EPB41L4B: variants seen among roughly 807,000 people sequenced by gnomAD.
EPB41L4B encodes the protein band 4.1-like protein 4B.
A neutral mutation model predicts 112.5 loss-of-function variants in EPB41L4B; 30 were observed. The ratio of observed to expected loss-of-function variants is 0.27; its 90% confidence interval spans 0.20 to 0.36. The LOEUF is 0.36. Ranked by LOEUF, EPB41L4B falls within the 10% of genes least tolerant of loss-of-function variation. EPB41L4B has a pLI of 1.00. For synonymous variants in EPB41L4B, 408 were observed against 439.7 expected, an observed-to-expected ratio of 0.93 and a Z score of 0.90; for missense variants, 1,024 against 1,133.3, an observed-to-expected ratio of 0.90 and a Z score of 1.38.
At chr9:109,223,171 G>T (rs962372694) in intron 15 of EPB41L4B, among the ~76,000 whole-genome samples, 2 of 152,152 alleles carry the variant, frequency 1.3e-5, no homozygotes, top group African/African-American at 2.4e-5. Flanking sequence ...CGGGCGCAAT[G>T]GTTCACACCT....
rs1835968587 is a variant in EPB41L4B, at chr9:109,279,859, T to C, written c.369A>G (p.Thr123=). 8 of 1,614,162 alleles carry C rather than the reference T, an allele frequency of 5.0e-6. 1 individual carries two copies. The South Asian group carries it at 8.8e-5, about 18-fold the overall frequency. The change falls in exon 2 of 26, where the codon ACA becomes ACG. Residue 123 remains threonine, a synonymous_variant. Transcript: ENST00000374566. ...QIVYHLDLVE[T]DYFGLQFLDS... ...CGAGGAACTGGAGGCCAAAGTAATC[T>C]GTTTCCACAAGGTCCAAGTGGTACA...
At chr9:109,265,108 C>A in intron 4 of EPB41L4B, 84 bp from the exon 5 acceptor site, 1 of 1,051,438 alleles carries the variant, frequency 9.5e-7, no homozygotes, top group South Asian at 1.5e-5. Context: ...AAACCCCACC[C>A]CACACACAGC....
intron 13 of EPB41L4B, among the ~76,000 whole-genome samples, chr9:109,249,419 A>T (rs1834695597): frequency 7.1e-6 from 1 of 141,204 alleles, no homozygotes; most frequent in Admixed American, 7.4e-5. Flanking sequence ...ACAGGCTGTG[A>T]AGAGCAATTG....
intron 24 of EPB41L4B, among the ~76,000 whole-genome samples, chr9:109,178,297 T>C (rs1387112388): frequency 1.3e-5 from 2 of 152,198 alleles, no homozygotes; most frequent in Non-Finnish European, 2.9e-5. Context: ...ACTAGATTTT[T>C]CATGCTAGTT....
rs1837848245 is a variant in EPB41L4B, at chr9:109,320,823, GCTGCTCCCGCGC to G, written c.-389_-378del. 6.9e-6 allele frequency: 1 copy of G among 145,382 alleles called. No individual in the cohort carries two copies. Among genetic ancestry groups the G allele is most frequent in the Non-Finnish European group, 1.5e-5 (1 of 65,464 alleles). 9.0% of individuals were successfully genotyped at this position (145,382 alleles called of 1,614,324 possible). A position where few individuals can be genotyped will look rare whatever the true frequency, so the allele number is the denominator to read the frequency against. ...CGGGGGCGCGGGAGGCGGGCTGCGGGCTGCTCCCGCGCCGCGCGCCGGCCGAGGGCCAGCCGG... is the reference window on the plus strand; with the variant it reads ...CGGGGGCGCGGGAGGCGGGCTGCGGGCGCGCGCCGGCCGAGGGCCAGCCGG... On this transcript the variant is annotated 5_prime_UTR_variant, in exon 1 of 26. Transcript: ENST00000374566.
intron 2 of EPB41L4B, among the ~76,000 whole-genome samples, chr9:109,278,746 A>G (rs957204546): frequency 1.3e-5 from 2 of 152,128 alleles, no homozygotes. Flanking sequence ...ATCTATGTGC[A>G]CTGCTTTATC....
chr9:109,218,123 A>ATAAT (rs1424661358), intron 15 of EPB41L4B, among the ~76,000 whole-genome samples: 368 of 79,714 alleles, frequency 4.6e-3, no homozygotes, highest in Middle Eastern at 8.6e-3. Flanking sequence ...AATACTAATA[A>ATAAT]TTCTTTTTTT....
chr9:109,232,540 C>T (rs1230556750), intron 15 of EPB41L4B, among the ~76,000 whole-genome samples: 1 of 152,184 alleles, frequency 6.6e-6, no homozygotes, highest in African/African-American at 2.4e-5. Context: ...TCATCCTGTG[C>T]ACTCTGACAG....
At chr9:109,257,086 T>C (rs1835010124) in intron 7 of EPB41L4B, among the ~76,000 whole-genome samples, 1 of 149,836 alleles carries the variant, frequency 6.7e-6, no homozygotes. Flanking sequence ...GGGAGGAGAG[T>C]GGATGTGTAA....
At chr9:109,194,067 T>A (rs1832557599) in intron 21 of EPB41L4B, among the ~76,000 whole-genome samples, 153 bp downstream of exon 21, 1 of 152,268 alleles carries the variant, frequency 6.6e-6, no homozygotes. Flanking sequence ...GGTCAAGTTA[T>A]ATAAAAACAT....
At chr9:109,222,176 G>C (rs767120745) in intron 15 of EPB41L4B, among the ~76,000 whole-genome samples, 1 of 152,182 alleles carries the variant, frequency 6.6e-6, no homozygotes, top group Non-Finnish European at 1.5e-5. Flanking sequence ...ATGCATGTGT[G>C]ACCTTCATCT....
At chr9:109,176,743 A>G (rs746271641) in intron 24 of EPB41L4B, 47 bp from the exon 25 acceptor site, 3 of 1,607,088 alleles carry the variant, frequency 1.9e-6, no homozygotes, top group Non-Finnish European at 2.6e-6. Flanking sequence ...TTTGGGTTCC[A>G]TTTTCACACT....
chr9:109,198,127 G>A (rs1393457083), intron 20 of EPB41L4B, among the ~76,000 whole-genome samples: 1 of 152,116 alleles, frequency 6.6e-6, no homozygotes, highest in Non-Finnish European at 1.5e-5. Context: ...AAGGATATGA[G>A]GTGGGATATA....
chr9:109,316,133 C>A (rs1837626067), intron 1 of EPB41L4B, among the ~76,000 whole-genome samples: 1 of 152,186 alleles, frequency 6.6e-6, no homozygotes, highest in Non-Finnish European at 1.5e-5. Context: ...GCTGCAATTG[C>A]CCAAAGCTGC....
At chr9:109,191,371 G>A (rs1302679331) in intron 22 of EPB41L4B, among the ~76,000 whole-genome samples, 6 of 152,128 alleles carry the variant, frequency 3.9e-5, no homozygotes, top group Non-Finnish European at 5.9e-5. Flanking sequence ...GCAGTGCAAG[G>A]ACCTCAGTTG....
chr9:109,278,853 G>T (rs1835932809), intron 2 of EPB41L4B, among the ~76,000 whole-genome samples: 1 of 152,182 alleles, frequency 6.6e-6, no homozygotes, highest in Admixed American at 6.5e-5. Flanking sequence ...GCTAGATTTT[G>T]TTGGGAAGGG....
In EPB41L4B at chr9:109,243,697, C is replaced by A. The variant is rs754411086; in HGVS notation, c.1345-15G>T. 1 of 1,613,268 alleles carries A rather than the reference C, an allele frequency of 6.2e-7. No individual in the cohort carries two copies. Among genetic ancestry groups the A allele is most frequent in the South Asian group, 1.1e-5 (1 of 91,026 alleles). On this transcript the variant is annotated splice_polypyrimidine_tract_variant and intron_variant, in intron 14 of 25. Transcript: ENST00000374566. ...TGATATTGAGGCTAGAAATAAAACA[C>A]CAAACTTGATTATTTGATGACCTTT...
chr9:109,201,802 G>T (rs1428428372), intron 19 of EPB41L4B, among the ~76,000 whole-genome samples: 1 of 152,166 alleles, frequency 6.6e-6, no homozygotes, highest in Non-Finnish European at 1.5e-5. Context: ...GGAAAGTCGA[G>T]GCCGGGTCAT....
In EPB41L4B at chr9:109,247,800, A is replaced by G. The variant is rs1834615751; in HGVS notation, c.1311-11T>C. 6.7e-7 allele frequency: 1 copy of G among 1,491,962 alleles called. No individual in the cohort carries two copies. The highest frequency in any genetic ancestry group is 1.4e-5 in the African/African-American group (1 of 70,668). The allele number at this position is 1,491,962 out of a possible 1,614,324, so 92.4% of individuals were successfully genotyped here. A position where few individuals can be genotyped will look rare whatever the true frequency, so the allele number is the denominator to read the frequency against. On this transcript the variant is annotated splice_polypyrimidine_tract_variant and intron_variant, in intron 13 of 25. Coordinates refer to ENST00000374566, the MANE Select transcript of EPB41L4B (RefSeq NM_019114.5). Reference sequence around the variant, plus strand: ...GGATTTGTTTTAGAGCTAAACAAACAAACAAACAAAAAACAGAAAAAAAAA... The same window carrying G: ...GGATTTGTTTTAGAGCTAAACAAACGAACAAACAAAAAACAGAAAAAAAAA...
Sources: allele counts gnomAD v4.1 joint callset (sites outside exome capture counted in the v4.1 genomes callset), GRCh38; gene constraint gnomAD v4.1.1; transcripts MANE v1.5; gene names NCBI Gene and HGNC (gene_info 2026-07-23, HGNC 2026-07-21).